Variants in INPP4B observed in about 807,000 individuals in gnomAD.
The protein encoded by INPP4B is inositol polyphosphate 4-phosphatase type II.
A neutral mutation model predicts 122.5 loss-of-function variants in INPP4B; 55 were observed. The ratio of observed to expected loss-of-function variants is 0.45; its 90% CI spans 0.36 to 0.56. INPP4B has a LOEUF of 0.56. Ranked by LOEUF, INPP4B falls within the 20% of genes least tolerant of loss-of-function variation. The pLI is 0.00. For missense variants in INPP4B, 1,000 were observed against 1,097.7 expected (o/e 0.91, Z 1.26); for synonymous variants, 403 against 388.7 (o/e 1.04, Z -0.43).
At chr4:142,461,806 A>AACACACACACAC (rs3076617) in intron 3 of INPP4B, among the ~76,000 whole-genome samples, 5 of 150,694 alleles carry the variant, frequency 3.3e-5, no homozygotes, top group East Asian at 3.9e-4. Context: ...TAAAAGTACA[A>AACACACACACAC]ACACACACAC....
intron 2 of INPP4B, among the ~76,000 whole-genome samples, chr4:142,681,616 G>GAAGA (rs1371909216): frequency 2.0e-5 from 3 of 151,742 alleles, no homozygotes; most frequent in Admixed American, 6.6e-5. Context: ...CAGAGGAAGG[G>GAAGA]AAGAAAGAAA....
chr4:142,739,643 CAGAA>C (rs933153496), intron 1 of INPP4B, among the ~76,000 whole-genome samples: 2 of 151,720 alleles, frequency 1.3e-5, no homozygotes, highest in African/African-American at 4.8e-5. Context: ...CAAAGACAGA[CAGAA>C]AGAGGAACAT....
chr4:142,211,939 G>A (rs1845079911), intron 12 of INPP4B, among the ~76,000 whole-genome samples: 1 of 152,106 alleles, frequency 6.6e-6, no homozygotes, highest in South Asian at 2.1e-4. Context: ...GAGAGAGGCT[G>A]ATATAGTTAA....
Position 142,360,504 on chromosome 4 carries a change from C to T in INPP4B, c.372+42434G>A, listed in dbSNP as rs558214988. Among the ~76,000 whole-genome samples, 23 of 151,912 alleles carry T rather than the reference C, an allele frequency of 1.5e-4. 1 individual carries two copies. Among genetic ancestry groups the T allele is most frequent in the South Asian group, 6.2e-4 (3 of 4,828 alleles). The stretch of plus-strand genomic sequence containing the variant: ...GGTTACCCTGAACGTACATATCACA[C>T]GTTTTTATTTCCAACGACTACTTCA... On this transcript the variant is annotated intron_variant, in intron 7 of 25. Transcript: ENST00000262992.
rs1456451302 is a variant in INPP4B at position 142,738,608 on chromosome 4, T to TAAAA, written c.-253-12711_-253-12708dup. On this transcript the variant is annotated intron_variant, in intron 1 of 25. Coordinates refer to ENST00000262992, the MANE Select transcript of INPP4B (RefSeq NM_001101669.3). ...CTGTACCCTAAAACTTAAAGTATAATAAAAACAAAAAAAAAGAAGCTTCTC... is the reference window on the plus strand; with the variant it reads ...CTGTACCCTAAAACTTAAAGTATAATAAAAAAAAACAAAAAAAAAGAAGCTTCTC... 1.6e-3 allele frequency among the ~76,000 whole-genome samples: 220 copies of TAAAA among 135,434 alleles called. 3 individuals are homozygous for TAAAA. The highest frequency in any genetic ancestry group is 0.014 in the Admixed American group (192 of 13,826). 88.8% of individuals were successfully genotyped at this position (135,434 alleles called of 152,430 possible).
At chr4:142,358,448 T>C (rs1784325208) in intron 7 of INPP4B, among the ~76,000 whole-genome samples, 1 of 151,794 alleles carries the variant, frequency 6.6e-6, no homozygotes, top group Non-Finnish European at 1.5e-5. Flanking sequence ...CAAATCTCAA[T>C]AGATTGCAAA....
intron 2 of INPP4B, among the ~76,000 whole-genome samples, chr4:142,578,542 G>T (rs2150188806): frequency 6.6e-6 from 1 of 151,892 alleles, no homozygotes; most frequent in Non-Finnish European, 1.5e-5. Context: ...ATCTTCACAT[G>T]GTATTTCCTC....
At chr4:142,254,798 G>A (rs1352420407) in intron 11 of INPP4B, among the ~76,000 whole-genome samples, 2 of 152,160 alleles carry the variant, frequency 1.3e-5, no homozygotes, top group East Asian at 3.9e-4. Context: ...TTATCCAGGA[G>A]AACTTCCCCA....
At chr4:142,043,594 T>C (rs1296488157) in intron 25 of INPP4B, among the ~76,000 whole-genome samples, 1 of 151,124 alleles carries the variant, frequency 6.6e-6, no homozygotes, top group Admixed American at 6.6e-5. Context: ...TTGGGAATGA[T>C]TCACAGCTAG....
At chr4:142,543,750 AT>A (rs1560779472) in intron 2 of INPP4B, among the ~76,000 whole-genome samples, 2 of 152,160 alleles carry the variant, frequency 1.3e-5, no homozygotes, top group African/African-American at 4.8e-5. Flanking sequence ...AACAGAATAT[AT>A]ATTGTATATA....
At chr4:142,277,440 G>T (rs1749065896) in intron 9 of INPP4B, among the ~76,000 whole-genome samples, 1 of 151,728 alleles carries the variant, frequency 6.6e-6, no homozygotes, top group Admixed American at 6.6e-5. Context: ...CACTGTTGGT[G>T]GGAATGTAAA....
At chr4:142,559,699 C>T (rs1730022275) in intron 2 of INPP4B, among the ~76,000 whole-genome samples, 1 of 151,942 alleles carries the variant, frequency 6.6e-6, no homozygotes, top group Non-Finnish European at 1.5e-5. Flanking sequence ...CCTATGATAA[C>T]TATATATATT....
At chr4:142,708,053 T>C (rs555482100) in intron 2 of INPP4B, among the ~76,000 whole-genome samples, 4 of 152,180 alleles carry the variant, frequency 2.6e-5, no homozygotes, top group African/African-American at 9.6e-5. Context: ...AGCAAAGAGG[T>C]TGGAGGCATT....
At chr4:142,686,202 G>C (rs1381919846) in intron 2 of INPP4B, among the ~76,000 whole-genome samples, 1 of 152,090 alleles carries the variant, frequency 6.6e-6, no homozygotes, top group Non-Finnish European at 1.5e-5. Flanking sequence ...CAGGCTGTTA[G>C]TCAAGGCCTC....
At chr4:142,133,010 T>C (rs954907088) in intron 18 of INPP4B, among the ~76,000 whole-genome samples, 6 of 152,168 alleles carry the variant, frequency 3.9e-5, no homozygotes, top group Non-Finnish European at 7.3e-5. Flanking sequence ...CAAAGCCATC[T>C]CTTAGTCCTC....
chr4:142,558,720 T>C (rs72726452), intron 2 of INPP4B, among the ~76,000 whole-genome samples: 6,776 of 133,406 alleles, frequency 0.051, 194 homozygotes, highest in Middle Eastern at 0.065. Context: ...AAAGGAAGCC[T>C]CAATTCAGAG....
intron 7 of INPP4B, chr4:142,384,243 A>T: frequency 1.6e-6 from 1 of 641,550 alleles, no homozygotes; most frequent in Middle Eastern, 3.6e-4. Context: ...TAACTCAATT[A>T]GTTAGTAACA....
rs528049642 is a variant in INPP4B, at chr4:142,782,094, T to G, written c.-253-56193A>C. 1.8e-3 allele frequency among the ~76,000 whole-genome samples: 272 copies of G among 152,140 alleles called. 4 individuals carry two copies. The highest frequency in any genetic ancestry group is 5.9e-4 in the Non-Finnish European group (40 of 67,974). Reference sequence around the variant, plus strand: ...TGTGCTGCACCCATTAACTCATCATTTAGCATTAGGTATATCTCCTAATGC... The same window carrying G: ...TGTGCTGCACCCATTAACTCATCATGTAGCATTAGGTATATCTCCTAATGC... On this transcript the variant is annotated intron_variant, in intron 1 of 25. Coordinates refer to ENST00000262992, the MANE Select transcript of INPP4B (RefSeq NM_001101669.3).
At chr4:142,482,045 T>C (rs919576190) in intron 2 of INPP4B, among the ~76,000 whole-genome samples, 9 of 152,200 alleles carry the variant, frequency 5.9e-5, no homozygotes, top group Non-Finnish European at 1.0e-4. Context: ...CAACAGTCTC[T>C]TTCCCATAAG....
Sources: gnomAD v4.1 joint callset for allele counts (sites outside exome capture counted in the v4.1 genomes callset) on GRCh38, gnomAD v4.1.1 for gene constraint, MANE v1.5 for transcripts, NCBI Gene and HGNC (gene_info 2026-07-23, HGNC 2026-07-21) for gene names.